Variants in COL1A2 observed in about 807,000 individuals in gnomAD.
COL1A2 encodes collagen alpha-2(I) chain.
Under a neutral mutation model 174.3 loss-of-function variants are expected in COL1A2, and 49 were observed. The ratio of observed to expected loss-of-function variants is 0.28; its 90% CI spans 0.22 to 0.36. COL1A2 has a LOEUF of 0.36. Among genes scored for constraint, COL1A2 ranks in the 10% least tolerant of loss-of-function variants. The probability of loss-of-function intolerance (pLI) is 1.00; values close to 1 mark genes in which losing one functional copy is unlikely to be tolerated. For synonymous variants in COL1A2, 655 were observed against 606.6 expected, an observed-to-expected ratio of 1.08 and a Z score of -1.17; for missense variants, 1,438 against 1,822.7, an observed-to-expected ratio of 0.79 and a Z score of 3.84.
chr7:94,409,537 A>G lies in COL1A2; in HGVS notation c.892-27A>G, dbSNP rs753730225. On this transcript the variant is annotated intron_variant, in intron 17 of 51. Transcript: ENST00000297268. ...AACCGAAATATTCCAATTAACTGAT[A>G]TCCTTCTCCTTTCCTTTTCCTCATA... 7.4e-6 allele frequency: 12 copies of G among 1,613,836 alleles called. No homozygotes were observed. In the South Asian group the frequency reaches 1.1e-4, roughly 15 times the overall value.
At chr7:94,403,383 T>TA (rs1791729508) in intron 6 of COL1A2, among the ~76,000 whole-genome samples, 1 of 152,138 alleles carries the variant, frequency 6.6e-6, no homozygotes, top group Non-Finnish European at 1.5e-5. Flanking sequence ...TCAATAACTA[T>TA]AAAACCCCAC....
intron 24 of COL1A2, 80 bp downstream of exon 24, chr7:94,412,201 A>T (rs1289349443): frequency 8.6e-6 from 10 of 1,156,210 alleles, no homozygotes; most frequent in Non-Finnish European, 1.3e-5. Flanking sequence ...GCTTATTTAT[A>T]CATGAACACA....
intron 9 of COL1A2, 149 bp downstream of exon 9, chr7:94,405,041 A>G: frequency 8.8e-7 from 1 of 1,137,776 alleles, no homozygotes; most frequent in South Asian, 1.3e-5. Flanking sequence ...TTAATGAAAT[A>G]TTAACTAACC....
At chr7:94,398,588 T>C (rs1364567170) in intron 3 of COL1A2, among the ~76,000 whole-genome samples, 192 bp downstream of exon 3, 1 of 151,978 alleles carries the variant, frequency 6.6e-6, no homozygotes. Context: ...TCTGGAATCA[T>C]CTGTAATTAC....
chr7:94,414,368 A>G (rs1015016031), intron 29 of COL1A2, 93 bp downstream of exon 29: 4 of 1,184,168 alleles, frequency 3.4e-6, no homozygotes, highest in Middle Eastern at 3.8e-4. Context: ...TAATATGTAA[A>G]AGAAAATTTC....
chr7:94,397,096 C>G (rs964285240), intron 1 of COL1A2, among the ~76,000 whole-genome samples: 38 of 152,092 alleles, frequency 2.5e-4, no homozygotes, highest in Middle Eastern at 6.8e-3. Flanking sequence ...GTAAAATGAT[C>G]TTACCTAATT....
Position 94,408,862 on chromosome 7 carries a change from CT to C in COL1A2, c.792+44del, listed in dbSNP as rs768969598. 4 of 1,564,878 alleles carry C rather than the reference CT, an allele frequency of 2.6e-6. No homozygotes were observed. In the Admixed American group the frequency reaches 6.7e-5, roughly 26 times the overall value. ...TGACCATTGTCACTACTTTGATAAA[CT>C]TTTTACTGTGATGTGAAAGATTGGA... On this transcript the variant is annotated intron_variant, in intron 16 of 51. Coordinates refer to ENST00000297268, the MANE Select transcript of COL1A2 (RefSeq NM_000089.4).
intron 1 of COL1A2, among the ~76,000 whole-genome samples, chr7:94,397,363 A>T (rs114048113): frequency 0.013 from 1,927 of 152,278 alleles, 38 homozygotes; most frequent in African/African-American, 0.043. Flanking sequence ...AAAAATGATC[A>T]AAATCATAAA....
Position 94,420,352 on chromosome 7 carries a change from G to A in COL1A2, c.2134-39G>A, listed in dbSNP as rs747020099. The A allele has an allele frequency of 1.9e-6, 3 of 1,613,988 alleles. No homozygotes were observed. In the African/African-American group the frequency reaches 4.0e-5, roughly 22 times the overall value. ...CAATGTTTAGACATTGATGAACCTAGGATTGATAACACATTTTTAAATCCC... is the reference window on the plus strand; with the variant it reads ...CAATGTTTAGACATTGATGAACCTAAGATTGATAACACATTTTTAAATCCC... On this transcript the variant is annotated intron_variant, in intron 35 of 51. Coordinates refer to ENST00000297268, the MANE Select transcript of COL1A2 (RefSeq NM_000089.4).
intron 37 of COL1A2, 38 bp from the exon 38 acceptor site, chr7:94,420,967 GGTTT>G (rs1792146773): frequency 6.3e-7 from 1 of 1,583,628 alleles, no homozygotes; most frequent in African/African-American, 1.3e-5. Flanking sequence ...CATTTACAAG[GGTTT>G]GTTTGTGATT....
At chr7:94,417,625 C>T in intron 31 of COL1A2, 99 bp from the exon 32 acceptor site, 3 of 1,013,792 alleles carry the variant, frequency 3.0e-6, no homozygotes, top group Non-Finnish European at 4.5e-6. Flanking sequence ...AGGCAAGAAG[C>T]CTGTCTAGCT....
At chr7:94,403,439 A>G (rs1791730342) in intron 6 of COL1A2, among the ~76,000 whole-genome samples, 4 of 152,196 alleles carry the variant, frequency 2.6e-5, no homozygotes. Context: ...TCCATGAAAT[A>G]CACTACATTT....
At chr7:94,419,300 G>A (rs921329665) in intron 33 of COL1A2, among the ~76,000 whole-genome samples, 198 bp from the exon 34 acceptor site, 3 of 143,650 alleles carry the variant, frequency 2.1e-5, no homozygotes, top group Non-Finnish European at 3.2e-5. Flanking sequence ...CTTTATTACT[G>A]GAGTACCCTC....
rs764355552 is a variant in COL1A2, at chr7:94,401,612, G to A, written c.271G>A (p.Gly91Arg). 2.5e-6 allele frequency: 4 copies of A among 1,588,850 alleles called. No homozygotes were observed. The highest frequency in any genetic ancestry group is 3.4e-6 in the Non-Finnish European group (4 of 1,165,984). Reference protein sequence around the residue: ...YDGKGVGLGPGPMGLMGPRGP... With the variant: ...YDGKGVGLGPRPMGLMGPRGP... ...TGGAAAAGGAGTTGGACTTGGCCCT[G>A]GACCAATGGTATGCTTATCTGTTTA... The change falls in exon 6 of 52, where the codon GGA becomes AGA. Residue 91 changes from glycine to arginine, a missense_variant. Physicochemically the swap from Gly to Arg is moderately radical, Grantham distance 125. Coordinates refer to ENST00000297268, the MANE Select transcript of COL1A2 (RefSeq NM_000089.4).
At chr7:94,425,574 T>G in intron 42 of COL1A2, 36 bp from the exon 43 acceptor site, 1 of 1,609,460 alleles carries the variant, frequency 6.2e-7, no homozygotes, top group Non-Finnish European at 8.5e-7. Flanking sequence ...CAGCAGAGCC[T>G]CACCAACAGC....
intron 20 of COL1A2, 58 bp from the exon 21 acceptor site, chr7:94,410,362 G>A: frequency 9.4e-6 from 15 of 1,594,830 alleles, no homozygotes; most frequent in Non-Finnish European, 1.2e-5. Flanking sequence ...TCTCCAGCTG[G>A]ACATAGTATT....
chr7:94,414,152 A>G, intron 28 of COL1A2, 70 bp from the exon 29 acceptor site: 2 of 1,552,792 alleles, frequency 1.3e-6, no homozygotes, highest in South Asian at 1.1e-5. Flanking sequence ...CACCACCCCC[A>G]AACTCAATTA....
intron 38 of COL1A2, chr7:94,421,441 C>T (rs1427038835): frequency 2.6e-6 from 1 of 388,514 alleles, no homozygotes; most frequent in African/African-American, 2.1e-5. Flanking sequence ...ACTTTACTGA[C>T]TTCTTCTCTC....
At chr7:94,407,965 G>T (rs1791836725) in intron 13 of COL1A2, 74 bp downstream of exon 13, 3 of 1,389,468 alleles carry the variant, frequency 2.2e-6, no homozygotes, top group Admixed American at 3.5e-5. Context: ...TAATGTTTTT[G>T]CTAATCACTG....
Sources: gnomAD v4.1 joint callset for allele counts (sites outside exome capture counted in the v4.1 genomes callset) on GRCh38, gnomAD v4.1.1 for gene constraint, MANE v1.5 for transcripts, NCBI Gene and HGNC (gene_info 2026-07-23, HGNC 2026-07-21) for gene names.